Variants in PTBP2 observed in about 807,000 individuals in gnomAD.
PTBP2 encodes polypyrimidine tract binding protein 2, also known as polypyrimidine tract-binding protein 2.
A neutral mutation model predicts 61.4 loss-of-function variants in PTBP2; 13 were observed. That is an observed-to-expected ratio of 0.21 (90% CI 0.14 to 0.34). PTBP2 has a LOEUF of 0.34. Among genes scored for constraint, PTBP2 ranks in the 10% least tolerant of loss-of-function variants. The pLI is 1.00. For synonymous variants in PTBP2, 215 were observed against 218.5 expected (o/e 0.98, Z 0.14); for missense variants, 405 against 642.6 (o/e 0.63, Z 4.00).
intron 3 of PTBP2, among the ~76,000 whole-genome samples, chr1:96,763,691 G>C (rs933887439): frequency 6.6e-6 from 1 of 151,672 alleles, no homozygotes; most frequent in Non-Finnish European, 1.5e-5. Context: ...CATGACCAAG[G>C]AATCAATCTA....
intron 3 of PTBP2, among the ~76,000 whole-genome samples, chr1:96,759,260 T>A (rs991443868): frequency 2.6e-5 from 4 of 152,216 alleles, no homozygotes; most frequent in Non-Finnish European, 5.9e-5. Context: ...GAGTACATTC[T>A]AAAATTTATG....
intron 3 of PTBP2, among the ~76,000 whole-genome samples, chr1:96,762,619 C>T (rs1435367462): frequency 1.1e-4 from 16 of 142,126 alleles, no homozygotes; most frequent in African/African-American, 2.1e-4. Context: ...TAGGGGCGGC[C>T]GGGCAGAGGC....
chr1:96,780,314 C>G (rs1227616653), intron 7 of PTBP2, among the ~76,000 whole-genome samples: 1 of 151,888 alleles, frequency 6.6e-6, no homozygotes, highest in Non-Finnish European at 1.5e-5. Context: ...CTTCAACTTT[C>G]AATCCATCCA....
chr1:96,731,897 C>T (rs544770110), intron 2 of PTBP2, among the ~76,000 whole-genome samples: 2 of 152,054 alleles, frequency 1.3e-5, no homozygotes, highest in African/African-American at 4.8e-5. Context: ...AAGTAATCGG[C>T]CTATTACTTG....
intron 3 of PTBP2, among the ~76,000 whole-genome samples, chr1:96,760,708 G>C (rs1655731362): frequency 6.6e-6 from 1 of 152,102 alleles, no homozygotes; most frequent in Non-Finnish European, 1.5e-5. Context: ...GCCTCCCAGA[G>C]TGCTGGGATT....
intron 8 of PTBP2, among the ~76,000 whole-genome samples, chr1:96,796,632 T>C (rs1298756394): frequency 6.6e-6 from 1 of 152,196 alleles, no homozygotes; most frequent in Non-Finnish European, 1.5e-5. Context: ...GTTTTCACTC[T>C]AGTATTTGTC....
intron 2 of PTBP2, among the ~76,000 whole-genome samples, chr1:96,733,729 A>G (rs550958829): frequency 1.3e-5 from 2 of 152,252 alleles, no homozygotes; most frequent in East Asian, 3.9e-4. Flanking sequence ...CTTGAACAAC[A>G]TGATTTTGAA....
intron 2 of PTBP2, among the ~76,000 whole-genome samples, chr1:96,748,266 T>G (rs1156611069): frequency 6.6e-6 from 1 of 152,182 alleles, no homozygotes; most frequent in Non-Finnish European, 1.5e-5. Context: ...CTTGGTTGCC[T>G]TCTTCGCAGA....
intron 3 of PTBP2, among the ~76,000 whole-genome samples, chr1:96,762,096 C>G (rs893549404): frequency 1.3e-5 from 2 of 151,088 alleles, no homozygotes; most frequent in Admixed American, 1.3e-4. Flanking sequence ...TTTCTTAGTA[C>G]AGAACAAAAT....
intron 5 of PTBP2, among the ~76,000 whole-genome samples, chr1:96,772,416 TG>T (rs1434322740): frequency 3.3e-5 from 5 of 152,300 alleles, no homozygotes; most frequent in African/African-American, 1.2e-4. Context: ...TAGAGTTGTA[TG>T]CCAGGAAATG....
chr1:96,802,433 T>C (rs1661113549), intron 8 of PTBP2, among the ~76,000 whole-genome samples: 1 of 152,128 alleles, frequency 6.6e-6, no homozygotes, highest in Non-Finnish European at 1.5e-5. Context: ...GAGAAAATGC[T>C]AGTGATTAGA....
chr1:96,723,719 T>G, intron 2 of PTBP2, 125 bp downstream of exon 2: 1 of 821,214 alleles, frequency 1.2e-6, no homozygotes, highest in Non-Finnish European at 1.9e-6. Context: ...AATGTTTCCT[T>G]TCATTTGTAA....
intron 2 of PTBP2, among the ~76,000 whole-genome samples, chr1:96,744,819 A>G (rs1171929860): frequency 6.6e-6 from 1 of 152,188 alleles, no homozygotes; most frequent in Non-Finnish European, 1.5e-5. Context: ...CAAAGCCTTT[A>G]TACTTACTAA....
intron 2 of PTBP2, among the ~76,000 whole-genome samples, chr1:96,737,027 T>G (rs752765544): frequency 4.0e-5 from 6 of 151,830 alleles, no homozygotes; most frequent in Non-Finnish European, 8.8e-5. Context: ...TTGCCCAGGC[T>G]GGAGTACAGT....
At chr1:96,802,981 GT>G (rs1661173293) in intron 8 of PTBP2, among the ~76,000 whole-genome samples, 3 of 151,374 alleles carry the variant, frequency 2.0e-5, no homozygotes, top group African/African-American at 7.4e-5. Context: ...AAAAAAAATT[GT>G]TGTGTGTAGG....
intron 11 of PTBP2, among the ~76,000 whole-genome samples, chr1:96,809,537 G>A (rs1445957549): frequency 6.6e-6 from 1 of 152,092 alleles, no homozygotes; most frequent in African/African-American, 2.4e-5. Context: ...TTTTGAGCCA[G>A]TGTCTTGCTC....
At chr1:96,743,258 C>A (rs1313313349) in intron 2 of PTBP2, among the ~76,000 whole-genome samples, 4 of 140,428 alleles carry the variant, frequency 2.8e-5, no homozygotes, top group East Asian at 2.2e-4. Context: ...GCCTGGGTGA[C>A]AGAGCAAGAC....
intron 2 of PTBP2, among the ~76,000 whole-genome samples, chr1:96,745,302 T>G (rs1368009644): frequency 3.3e-5 from 5 of 151,908 alleles, no homozygotes; most frequent in Admixed American, 3.3e-4. Context: ...AGCTGGGACT[T>G]CAGGCACCCG....
At chr1:96,806,669 G>A in intron 10 of PTBP2, 197 bp from the exon 11 acceptor site, 1 of 653,686 alleles carries the variant, frequency 1.5e-6, no homozygotes, top group Non-Finnish European at 2.6e-6. Flanking sequence ...TAGCTTTGAG[G>A]GTTTATCAAA....
Sources: gnomAD v4.1 joint callset for allele counts (sites outside exome capture counted in the v4.1 genomes callset) on GRCh38, gnomAD v4.1.1 for gene constraint, MANE v1.5 for transcripts, NCBI Gene and HGNC (gene_info 2026-07-23, HGNC 2026-07-21) for gene names.